TAFA4: variants seen among roughly 807,000 people sequenced by gnomAD.
TAFA4 encodes the protein chemokine-like protein TAFA-4.
In TAFA4, 20 loss-of-function variants were observed where a neutral mutation model predicts 21.1. That is an observed-to-expected ratio of 0.95 (90% CI 0.67 to 1.38). The LOEUF (loss-of-function observed/expected upper bound fraction) is 1.38. Among genes scored for constraint, TAFA4 ranks in the 40% most tolerant of loss-of-function variants. The pLI, the probability that TAFA4 is intolerant of heterozygous loss-of-function variation, is 0.00. For synonymous variants in TAFA4, 71 were observed against 67.4 expected, an observed-to-expected ratio of 1.05 and a Z score of -0.26; for missense variants, 211 against 180.9, an observed-to-expected ratio of 1.17 and a Z score of -0.95.
At chr3:68,861,670 C>G (rs1380826077) in intron 3 of TAFA4, among the ~76,000 whole-genome samples, 1 of 151,886 alleles carries the variant, frequency 6.6e-6, no homozygotes. Context: ...AGTGAGCCAA[C>G]CCCCCCAGCC....
At chr3:68,798,875 A>G (rs1224409728) in intron 3 of TAFA4, among the ~76,000 whole-genome samples, 1 of 152,236 alleles carries the variant, frequency 6.6e-6, no homozygotes, top group Admixed American at 6.5e-5. Context: ...ACAAGAAAAA[A>G]TAAAATATGC....
chr3:68,831,462 A>ATGTGAAAT (rs1417039274), intron 3 of TAFA4, among the ~76,000 whole-genome samples: 2 of 152,126 alleles, frequency 1.3e-5, no homozygotes, highest in Admixed American at 1.3e-4. Flanking sequence ...GTTTGGCTGG[A>ATGTGAAAT]TGTGAAATTC....
chr3:68,873,333 G>GACACAC (rs1348018956), intron 3 of TAFA4, among the ~76,000 whole-genome samples: 19 of 46,908 alleles, frequency 4.1e-4, no homozygotes, highest in South Asian at 1.7e-3. Context: ...GACACACGCA[G>GACACAC]ACATACACAC....
chr3:68,741,026 G>C (rs1702339228), intron 4 of TAFA4, among the ~76,000 whole-genome samples: 1 of 152,172 alleles, frequency 6.6e-6, no homozygotes, highest in Non-Finnish European at 1.5e-5. Context: ...TTTTATGCCA[G>C]TGCCATACTG....
chr3:68,762,760 C>T (rs572240745), intron 3 of TAFA4, among the ~76,000 whole-genome samples: 3 of 152,288 alleles, frequency 2.0e-5, no homozygotes, highest in East Asian at 1.9e-4. Flanking sequence ...ATGTTGGGGC[C>T]GGGCACAGTG....
rs1180920429 is a variant in TAFA4, at chr3:68,845,617, T to C, written c.130+35113A>G. Among the ~76,000 whole-genome samples the C allele has an allele frequency of 2.0e-5, 3 of 152,208 alleles. No individual in the cohort carries two copies. The East Asian group carries it at 5.8e-4, about 29-fold the overall frequency. On this transcript the variant is annotated intron_variant, in intron 3 of 5. Transcript: ENST00000295569. ...TGATGCAGTTTCTTCATAGTGTCAA[T>C]GGTCTTTACAATTTGGCATGTTTAT...
intron 3 of TAFA4, among the ~76,000 whole-genome samples, chr3:68,849,423 C>G (rs1439290369): frequency 6.6e-6 from 1 of 152,180 alleles, no homozygotes; most frequent in Non-Finnish European, 1.5e-5. Flanking sequence ...GTTCTTGAAT[C>G]TTGAGCCACT....
chr3:68,782,090 G>A (rs1703163979), intron 3 of TAFA4, among the ~76,000 whole-genome samples: 1 of 152,026 alleles, frequency 6.6e-6, no homozygotes, highest in South Asian at 2.1e-4. Context: ...AAAATATCTG[G>A]AAAATCTATA....
intron 3 of TAFA4, among the ~76,000 whole-genome samples, chr3:68,825,929 G>T (rs1704218467): frequency 6.6e-6 from 1 of 152,184 alleles, no homozygotes; most frequent in African/African-American, 2.4e-5. Flanking sequence ...AACACTGTCA[G>T]TTACCCAGGC....
chr3:68,808,588 G>T (rs1703755807), intron 3 of TAFA4, among the ~76,000 whole-genome samples: 1 of 152,032 alleles, frequency 6.6e-6, no homozygotes, highest in Non-Finnish European at 1.5e-5. Flanking sequence ...TGACTTCTCT[G>T]ATTTCCCCAT....
At chr3:68,778,064 T>A (rs1278353371) in intron 3 of TAFA4, among the ~76,000 whole-genome samples, 1 of 152,180 alleles carries the variant, frequency 6.6e-6, no homozygotes, top group Non-Finnish European at 1.5e-5. Flanking sequence ...TTATCTTAAA[T>A]GTAAATCATT....
chr3:68,892,251 A>G (rs1441854998), intron 1 of TAFA4, among the ~76,000 whole-genome samples: 1 of 152,196 alleles, frequency 6.6e-6, no homozygotes, highest in African/African-American at 2.4e-5. Context: ...CCTTAAAAAC[A>G]TCAGTGAAGA....
chr3:68,903,816 G>A (rs1259059168), intron 1 of TAFA4, among the ~76,000 whole-genome samples: 4 of 152,084 alleles, frequency 2.6e-5, no homozygotes, highest in Non-Finnish European at 4.4e-5. Flanking sequence ...CTCCCAAAGG[G>A]ACCGATGGCA....
intron 3 of TAFA4, among the ~76,000 whole-genome samples, chr3:68,776,723 T>A (rs1194861016): frequency 6.6e-6 from 1 of 152,180 alleles, no homozygotes; most frequent in East Asian, 1.9e-4. Flanking sequence ...CAGCACGTGT[T>A]AAGTTTATCA....
rs193148281 is a variant in TAFA4, at chr3:68,746,063, G to A, written c.286+6800C>T. Among the ~76,000 whole-genome samples, 29 of 152,242 alleles carry A rather than the reference G, an allele frequency of 1.9e-4. No homozygotes were observed. In the South Asian group the frequency reaches 4.2e-3, roughly 22 times the overall value. On this transcript the variant is annotated intron_variant, in intron 4 of 5. Transcript: ENST00000295569. ...AGGCAGAGGAGCAGATCTTTCTCCC[G>A]TGCTGGATGCTTCCTGCCCTCAAAC...
intron 1 of TAFA4, among the ~76,000 whole-genome samples, chr3:68,899,440 C>T (rs933684276): frequency 4.6e-5 from 7 of 151,494 alleles, no homozygotes; most frequent in African/African-American, 1.2e-4. Context: ...TTGGCATTTA[C>T]GGAAGGCTTC....
In TAFA4 at chr3:68,769,493, C is replaced by T. The variant is rs142395687; in HGVS notation, c.131-16475G>A. Among the ~76,000 whole-genome samples the T allele has an allele frequency of 7.5e-3, 1,140 of 152,196 alleles. 15 individuals carry two copies. The highest frequency in any genetic ancestry group is 0.025 in the African/African-American group (1,058 of 41,520). ...CCCTGGTGCCAAAAAGGTTGGGGACCACTGTTCTACTGCACAGTAGGGTGA... is the reference window on the plus strand; with the variant it reads ...CCCTGGTGCCAAAAAGGTTGGGGACTACTGTTCTACTGCACAGTAGGGTGA... On this transcript the variant is annotated intron_variant, in intron 3 of 5. Coordinates refer to ENST00000295569, the MANE Select transcript of TAFA4 (RefSeq NM_182522.5).
At chr3:68,815,100 T>A (rs1383031113) in intron 3 of TAFA4, among the ~76,000 whole-genome samples, 1 of 152,182 alleles carries the variant, frequency 6.6e-6, no homozygotes, top group African/African-American at 2.4e-5. Context: ...CTGGGAAACC[T>A]GGCTAGCCAT....
intron 3 of TAFA4, among the ~76,000 whole-genome samples, chr3:68,800,537 A>G (rs1368570367): frequency 6.6e-6 from 1 of 152,170 alleles, no homozygotes; most frequent in Non-Finnish European, 1.5e-5. Flanking sequence ...GACGTTACCC[A>G]GCCCCTCAAT....
Sources: allele counts gnomAD v4.1 joint callset (sites outside exome capture counted in the v4.1 genomes callset), GRCh38; gene constraint gnomAD v4.1.1; transcripts MANE v1.5; gene names NCBI Gene and HGNC (gene_info 2026-07-23, HGNC 2026-07-21).